The following ERC2 variants were observed in gnomAD, a reference collection of about 807,000 sequenced individuals.
ERC2 encodes the protein ELKS/RAB6-interacting/CAST family member 2.
ERC2 carries 42 observed loss-of-function variants against 114.8 expected under a neutral mutation model. The ratio of observed to expected loss-of-function variants is 0.37; its 90% CI spans 0.29 to 0.47. The LOEUF (loss-of-function observed/expected upper bound fraction) is 0.47, where lower values mean the gene tolerates loss of function less well. Among genes scored for constraint, ERC2 ranks in the 20% least tolerant of loss-of-function variants. The pLI is 0.99. For missense variants in ERC2, 939 were observed against 1,150.7 expected, an observed-to-expected ratio of 0.82 and a Z score of 2.66; for synonymous variants, 454 against 425.5, an observed-to-expected ratio of 1.07 and a Z score of -0.82.
At chr3:55,609,043 C>T (rs62251522) in intron 17 of ERC2, among the ~76,000 whole-genome samples, 43,310 of 152,032 alleles carry the variant, frequency 0.28, 8,231 homozygotes, top group African/African-American at 0.54. Flanking sequence ...TCTGATGGAA[C>T]GATTACTTCC....
At position 55,878,497 on chromosome 3, in the gene ERC2, C is replaced by G. The variant is rs371612475; in HGVS notation, c.2564+9892G>C. 2.0e-5 allele frequency among the ~76,000 whole-genome samples: 3 copies of G among 152,196 alleles called. No individual in the cohort carries two copies. In the East Asian group the frequency reaches 5.8e-4, roughly 29 times the overall value. On this transcript the variant is annotated intron_variant, in intron 14 of 17. Coordinates refer to ENST00000288221, the MANE Select transcript of ERC2 (RefSeq NM_015576.3). ...TTCTACTATTTAATTAAAACTGGTG[C>G]CACCATTCCCACACTTGAAATTCTT...
intron 2 of ERC2, among the ~76,000 whole-genome samples, chr3:56,311,634 A>G (rs747594019): frequency 2.0e-5 from 3 of 151,932 alleles, no homozygotes; most frequent in Non-Finnish European, 4.4e-5. Flanking sequence ...CATTCAAATT[A>G]TTATTCTCTA....
intron 6 of ERC2, among the ~76,000 whole-genome samples, chr3:56,103,521 G>T (rs1431265067): frequency 6.6e-6 from 1 of 152,084 alleles, no homozygotes; most frequent in Non-Finnish European, 1.5e-5. Context: ...CCAAACTATG[G>T]ACTAAGCTAG....
intron 6 of ERC2, among the ~76,000 whole-genome samples, chr3:56,126,025 A>T (rs954298397): frequency 1.3e-5 from 2 of 152,226 alleles, no homozygotes; most frequent in African/African-American, 4.8e-5. Context: ...CTCAACTTCA[A>T]CAAGTATCCA....
chr3:56,078,103 C>A (rs2077061009), intron 7 of ERC2, among the ~76,000 whole-genome samples: 1 of 152,180 alleles, frequency 6.6e-6, no homozygotes, highest in Non-Finnish European at 1.5e-5. Flanking sequence ...TCCCACGTAT[C>A]CTAGACAGCC....
At chr3:55,598,296 A>T (rs562341471) in intron 17 of ERC2, among the ~76,000 whole-genome samples, 19 of 152,346 alleles carry the variant, frequency 1.2e-4, no homozygotes, top group Admixed American at 2.0e-4. Flanking sequence ...TAGTTCATTG[A>T]CTCAAAATCA....
At chr3:56,133,900 G>A (rs1348613759) in intron 6 of ERC2, among the ~76,000 whole-genome samples, 1 of 152,134 alleles carries the variant, frequency 6.6e-6, no homozygotes, top group Non-Finnish European at 1.5e-5. Flanking sequence ...CACTGATTTG[G>A]ACACATTGTG....
At chr3:55,564,440 C>T (rs748094317) in intron 17 of ERC2, among the ~76,000 whole-genome samples, 3 of 152,134 alleles carry the variant, frequency 2.0e-5, no homozygotes, top group East Asian at 1.9e-4. Context: ...AACTGAGGTG[C>T]GCTTTATCAT....
chr3:55,970,456 C>G (rs963768208), intron 12 of ERC2, among the ~76,000 whole-genome samples: 10 of 151,786 alleles, frequency 6.6e-5, no homozygotes, highest in Admixed American at 1.3e-4. Context: ...TAATAAGGGT[C>G]TAGCATCTAG....
At chr3:55,744,621 G>A (rs1232784576) in intron 14 of ERC2, among the ~76,000 whole-genome samples, 3 of 152,212 alleles carry the variant, frequency 2.0e-5, no homozygotes, top group Non-Finnish European at 4.4e-5. Context: ...TGAGCACCAA[G>A]TGGTCAATGG....
chr3:55,962,876 C>T (rs1576375425), intron 12 of ERC2, among the ~76,000 whole-genome samples: 1 of 152,194 alleles, frequency 6.6e-6, no homozygotes, highest in Non-Finnish European at 1.5e-5. Flanking sequence ...CCAAATCAAC[C>T]CTACAAAGCT....
At chr3:56,145,161 AT>A (rs1486536269) in intron 5 of ERC2, among the ~76,000 whole-genome samples, 1 of 152,172 alleles carries the variant, frequency 6.6e-6, no homozygotes. Flanking sequence ...TATGGCCCTT[AT>A]GTCTAGAAAG....
At chr3:55,956,016 C>T (rs926928056) in intron 12 of ERC2, among the ~76,000 whole-genome samples, 3 of 152,178 alleles carry the variant, frequency 2.0e-5, no homozygotes, top group Admixed American at 2.0e-4. Context: ...TGAGTTAGTA[C>T]TGGTAAAATG....
chr3:55,887,329 A>G (rs183165385), intron 14 of ERC2, among the ~76,000 whole-genome samples: 3 of 152,334 alleles, frequency 2.0e-5, no homozygotes, highest in African/African-American at 7.2e-5. Flanking sequence ...TTTTGTCCTC[A>G]TTATTAAATC....
chr3:56,367,079 GA>G (rs1459951733), intron 2 of ERC2, among the ~76,000 whole-genome samples: 2 of 151,980 alleles, frequency 1.3e-5, no homozygotes, highest in African/African-American at 4.8e-5. Flanking sequence ...TTCTTCTCCA[GA>G]AAAAAACTCT....
At chr3:55,821,017 A>G (rs957778644) in intron 14 of ERC2, among the ~76,000 whole-genome samples, 2 of 152,132 alleles carry the variant, frequency 1.3e-5, no homozygotes, top group Non-Finnish European at 2.9e-5. Context: ...AAGGAAGGAA[A>G]CAGAATGAGG....
At chr3:56,385,530 C>T (rs1244978241) in intron 2 of ERC2, among the ~76,000 whole-genome samples, 1 of 152,152 alleles carries the variant, frequency 6.6e-6, no homozygotes, top group Non-Finnish European at 1.5e-5. Flanking sequence ...ATTTGAGCAA[C>T]TAGTGGGTGA....
rs569363035 is a variant in ERC2, at chr3:56,045,304, C to T, written c.1642-26273G>A. On this transcript the variant is annotated intron_variant, in intron 7 of 17. Coordinates refer to ENST00000288221, the MANE Select transcript of ERC2 (RefSeq NM_015576.3). ...TCAAGAAATGTAAACAGAACCGTAA[C>T]ACTTCTTCAATTAGATTCACAAGCA... Among the ~76,000 whole-genome samples, 113 of 152,278 alleles carry T rather than the reference C, an allele frequency of 7.4e-4. 1 individual carries two copies. Among genetic ancestry groups the T allele is most frequent in the African/African-American group, 2.6e-3 (108 of 41,574 alleles).
chr3:55,896,892 T>C (rs1229052977), intron 13 of ERC2, among the ~76,000 whole-genome samples: 1 of 152,230 alleles, frequency 6.6e-6, no homozygotes, highest in East Asian at 1.9e-4. Context: ...TCATTCTATG[T>C]TGCAGATCAT....
Sources: gnomAD v4.1 joint callset for allele counts (sites outside exome capture counted in the v4.1 genomes callset) on GRCh38, gnomAD v4.1.1 for gene constraint, MANE v1.5 for transcripts, NCBI Gene and HGNC (gene_info 2026-07-23, HGNC 2026-07-21) for gene names.